The following DIP2A variants were observed in gnomAD, a reference collection of about 807,000 sequenced individuals.
DIP2A encodes disco-interacting protein 2 homolog A.
A neutral mutation model predicts 177.4 loss-of-function variants in DIP2A; 85 were observed. The observed-to-expected ratio is 0.48, with a 90% CI of 0.40 to 0.57. DIP2A has a LOEUF of 0.57. Among genes scored for constraint, DIP2A ranks in the 20% least tolerant of loss-of-function variants. The probability of loss-of-function intolerance (pLI) is 0.00; values close to 1 mark genes in which losing one functional copy is unlikely to be tolerated. For missense variants in DIP2A, 1,791 were observed against 2,100.2 expected (o/e 0.85, Z 2.88); for synonymous variants, 886 against 881.8 (o/e 1.00, Z -0.08).
intron 25 of DIP2A, chr21:46,553,244 C>T (rs998878272): frequency 6.6e-6 from 1 of 152,270 alleles, no homozygotes; most frequent in African/African-American, 2.4e-5. Flanking sequence ...GGACACAGCA[C>T]ATAAGTGCGT....
intron 1 of DIP2A, 24 bp downstream of exon 1, chr21:46,459,246 C>T (rs755802022): frequency 6.6e-7 from 1 of 1,509,572 alleles, no homozygotes; most frequent in South Asian, 1.2e-5. Flanking sequence ...CGCCCTCAAC[C>T]CCCGCGACCC....
chr21:46,550,693 T>C lies in DIP2A; in HGVS notation c.2788T>C (p.Cys930Arg), dbSNP rs747994488. 5.6e-6 allele frequency: 9 copies of C among 1,613,930 alleles called. No individual in the cohort carries two copies. Among genetic ancestry groups the C allele is most frequent in the Non-Finnish European group, 7.6e-6 (9 of 1,179,912 alleles). Reference sequence around the variant, plus strand: ...GCTGCACCCGTGTAATGTGCTGATGTGCCCTCACACCTGTGTTACCAACCT... The same window carrying C: ...GCTGCACCCGTGTAATGTGCTGATGCGCCCTCACACCTGTGTTACCAACCT... ...GTLHPCNVLMCPHTCVTNLPK... is the reference protein window; with the variant it reads ...GTLHPCNVLMRPHTCVTNLPK... Residue 930 changes from cysteine to arginine, a missense_variant, in exon 23 of 38, where the codon TGC becomes CGC. Physicochemically the swap from Cys to Arg is radical, Grantham distance 180. Transcript: ENST00000417564.
At chr21:46,547,447 A>G (rs1476951744) in intron 21 of DIP2A, among the ~76,000 whole-genome samples, 4 of 152,074 alleles carry the variant, frequency 2.6e-5, no homozygotes, top group Non-Finnish European at 5.9e-5. Context: ...ATAAAAATCA[A>G]CTCAACTTTT....
At chr21:46,466,242 T>C (rs1265217239) in intron 1 of DIP2A, among the ~76,000 whole-genome samples, 2 of 151,952 alleles carry the variant, frequency 1.3e-5, no homozygotes, top group East Asian at 1.9e-4. Flanking sequence ...TACAAAGTCA[T>C]AGTGCATGGG....
At chr21:46,539,697 T>C (rs1471482690) in intron 16 of DIP2A, 180 bp from the exon 17 acceptor site, 2 of 640,358 alleles carry the variant, frequency 3.1e-6, no homozygotes, top group Non-Finnish European at 5.7e-6. Flanking sequence ...CCTTTAAAGA[T>C]ACCATCTTCC....
chr21:46,560,213 A>G (rs533876343), intron 32 of DIP2A, among the ~76,000 whole-genome samples: 6 of 152,330 alleles, frequency 3.9e-5, no homozygotes, highest in African/African-American at 1.4e-4. Context: ...GAATAAAATG[A>G]CACATAATGT....
At chr21:46,567,293 C>T (rs1706231479) in intron 37 of DIP2A, 77 bp from the exon 38 acceptor site, 1 of 1,539,520 alleles carries the variant, frequency 6.5e-7, no homozygotes, top group Non-Finnish European at 8.8e-7. Flanking sequence ...TTCTTTGTGC[C>T]ACCCTTTCCC....
At position 46,569,483 on chromosome 21, in the gene DIP2A, G is replaced by GAAAAAAAAAA. The variant is rs57017000; in HGVS notation, c.*1867_*1876dup. The stretch of plus-strand genomic sequence containing the variant: ...ACAATAGAATGGCTGGGAAGGGAAA[G>GAAAAAAAAAA]AAAAAAAAAAAAAAACTACCTAACT... On this transcript the variant is annotated 3_prime_UTR_variant, in exon 38 of 38. Transcript: ENST00000417564. 7.3e-6 allele frequency: 1 copy of GAAAAAAAAAA among 136,062 alleles called. No individual in the cohort carries two copies. 8.4% of individuals were successfully genotyped at this position (136,062 alleles called of 1,614,324 possible). A position where few individuals can be genotyped will look rare whatever the true frequency, so the allele number is the denominator to read the frequency against.
At chr21:46,561,649 G>C in intron 33 of DIP2A, 99 bp from the exon 34 acceptor site, 2 of 1,441,504 alleles carry the variant, frequency 1.4e-6, no homozygotes, top group South Asian at 1.1e-5. Flanking sequence ...GTTGTCAACA[G>C]ACCCTCAGAG....
At chr21:46,492,277 T>G (rs1248955090) in intron 3 of DIP2A, among the ~76,000 whole-genome samples, 2 of 152,232 alleles carry the variant, frequency 1.3e-5, no homozygotes, top group Non-Finnish European at 2.9e-5. Context: ...CCCTTTGCAC[T>G]TTTTTCTAAA....
Position 46,563,753 on chromosome 21 carries a change from A to C in DIP2A, c.4090-105A>C, listed in dbSNP as rs538277707. On this transcript the variant is annotated intron_variant, in intron 34 of 37. Coordinates refer to ENST00000417564, the MANE Select transcript of DIP2A (RefSeq NM_015151.4). This position sits in a 1 kb window ranked among gnomAD's most constrained non-coding sequence, Gnocchi z 4.3. ...CTTCCTGACCTGACATGAGCACATCAGTCCTGCAGGCCAGCTTCTGAGGGA... is the reference window on the plus strand; with the variant it reads ...CTTCCTGACCTGACATGAGCACATCCGTCCTGCAGGCCAGCTTCTGAGGGA... 4 of 1,501,886 alleles carry C rather than the reference A, an allele frequency of 2.7e-6. No homozygotes were observed. In the South Asian group the frequency reaches 5.2e-5, roughly 20 times the overall value. The allele number at this position is 1,501,886 out of a possible 1,614,324, so 93.0% of individuals were successfully genotyped here. A position where few individuals can be genotyped will look rare whatever the true frequency, so the allele number is the denominator to read the frequency against.
intron 3 of DIP2A, 74 bp downstream of exon 3, chr21:46,490,793 A>G: frequency 6.9e-7 from 1 of 1,459,028 alleles, no homozygotes; most frequent in Non-Finnish European, 9.1e-7. Context: ...GAAGTCTTCC[A>G]GTTATTTTTC....
At chr21:46,464,337 G>A (rs2148246655) in intron 1 of DIP2A, among the ~76,000 whole-genome samples, 1 of 152,202 alleles carries the variant, frequency 6.6e-6, no homozygotes, top group East Asian at 1.9e-4. Flanking sequence ...AGGTTGCAGT[G>A]AGCCGAGATT....
the DIP2A span, among the ~76,000 whole-genome samples, chr21:46,582,259 T>C: frequency 2.0e-5 from 3 of 152,124 alleles, no homozygotes; most frequent in East Asian, 5.8e-4. Flanking sequence ...TGTGGGAAAT[T>C]CCTCCTGGTT....
chr21:46,555,771 T>G, intron 28 of DIP2A: 1 of 568,786 alleles, frequency 1.8e-6, no homozygotes, highest in Non-Finnish European at 3.2e-6. Context: ...CTCAGTGTGG[T>G]CTTGGTGGGA....
At chr21:46,554,369 C>T in intron 26 of DIP2A, 77 bp downstream of exon 26, 1 of 1,576,982 alleles carries the variant, frequency 6.3e-7, no homozygotes, top group Non-Finnish European at 8.6e-7. Flanking sequence ...CTAGACACTC[C>T]CTCCCCGAAG....
chr21:46,510,401 G>A (rs778457243), intron 7 of DIP2A, among the ~76,000 whole-genome samples: 21 of 152,042 alleles, frequency 1.4e-4, no homozygotes, highest in Non-Finnish European at 2.8e-4. Flanking sequence ...GACACACCCA[G>A]GAAGAATACT....
intron 35 of DIP2A, 102 bp from the exon 36 acceptor site, chr21:46,565,611 A>G: frequency 8.2e-7 from 1 of 1,222,306 alleles, no homozygotes; most frequent in Non-Finnish European, 1.1e-6. Flanking sequence ...GACTTCGTTC[A>G]GTGTTTTCTG....
chr21:46,507,899 C>G (rs149701224), intron 6 of DIP2A, among the ~76,000 whole-genome samples: 40 of 151,734 alleles, frequency 2.6e-4, no homozygotes, highest in African/African-American at 8.2e-4. Flanking sequence ...TGCATACCAG[C>G]AAGCTTGGCT....
Sources: gnomAD v4.1 joint callset for allele counts (sites outside exome capture counted in the v4.1 genomes callset) on GRCh38, gnomAD v4.1.1 for gene constraint, Gnocchi (gnomAD v3.1) non-coding constraint, MANE v1.5 for transcripts, NCBI Gene and HGNC (gene_info 2026-07-23, HGNC 2026-07-21) for gene names.